Variants in CYP27A1 observed in about 807,000 individuals in gnomAD.
The protein encoded by CYP27A1 is cytochrome P450 family 27 subfamily A member 1, also known as sterol 26-hydroxylase, mitochondrial.
Under a neutral mutation model 58.2 loss-of-function variants are expected in CYP27A1, and 46 were observed. The ratio of observed to expected loss-of-function variants is 0.79; its 90% confidence interval spans 0.62 to 1.01. The LOEUF (loss-of-function observed/expected upper bound fraction) is 1.01. Among genes scored for constraint, CYP27A1 ranks in the 50% least tolerant of loss-of-function variants. The pLI, the probability that CYP27A1 is intolerant of heterozygous loss-of-function variation, is 0.00. For missense variants in CYP27A1, 704 were observed against 687.0 expected, an observed-to-expected ratio of 1.02 and a Z score of -0.28; for synonymous variants, 274 against 285.1, an observed-to-expected ratio of 0.96 and a Z score of 0.39.
chr2:218,794,305 G>A (rs1037975144), intron 1 of CYP27A1, among the ~76,000 whole-genome samples: 1 of 152,166 alleles, frequency 6.6e-6, no homozygotes, highest in African/African-American at 2.4e-5. Context: ...GATGAAGATT[G>A]ATCTTAACTG....
intron 1 of CYP27A1, among the ~76,000 whole-genome samples, chr2:218,807,269 A>C (rs1943662090): frequency 6.6e-6 from 1 of 151,946 alleles, no homozygotes; most frequent in African/African-American, 2.4e-5. Context: ...CTCCTAGGGA[A>C]TTTAATAGAG....
rs192358537 is a variant in CYP27A1, at chr2:218,809,017, T to G, written c.256-560T>G. On this transcript the variant is annotated intron_variant, in intron 1 of 8. Transcript: ENST00000258415. Reference sequence around the variant, plus strand: ...AACTCATGGGAAATAAATAAATAAATAAATATCATACCGCATGGCTTACTT... The same window carrying G: ...AACTCATGGGAAATAAATAAATAAAGAAATATCATACCGCATGGCTTACTT... Among the ~76,000 whole-genome samples the G allele has an allele frequency of 1.2e-3, 190 of 152,258 alleles. 2 individuals are homozygous for G. The highest frequency in any genetic ancestry group is 6.8e-3 in the South Asian group (33 of 4,830).
At position 218,812,654 on chromosome 2, in the gene CYP27A1, A is replaced by T. The variant is rs775885419; in HGVS notation, c.749A>T (p.Asn250Ile). ...FVRSIGLMFQ[N>I]SLYATFLPKW... ...AGATCCATCGGGTTAATGTTCCAGA[A>T]CTCACTCTATGCCACCTTCCTCCCC... Residue 250 changes from asparagine to isoleucine, a missense_variant, in exon 4 of 9, where the codon AAC (asparagine) becomes ATC (isoleucine). By Grantham distance (149) the Asn-to-Ile change is moderately radical. Coordinates refer to ENST00000258415, the MANE Select transcript of CYP27A1 (RefSeq NM_000784.4). 1 of 1,614,102 alleles carries T rather than the reference A, an allele frequency of 6.2e-7. No individual in the cohort carries two copies. The highest frequency in any genetic ancestry group is 1.7e-5 in the Admixed American group (1 of 60,018).
intron 1 of CYP27A1, among the ~76,000 whole-genome samples, chr2:218,793,172 T>C (rs1943513471): frequency 6.6e-6 from 1 of 152,096 alleles, no homozygotes; most frequent in Admixed American, 6.6e-5. Flanking sequence ...GCTTCCTGGG[T>C]TCAAGTGATT....
intron 1 of CYP27A1, 30 bp from the exon 2 acceptor site, chr2:218,809,547 C>A (rs1489122814): frequency 6.2e-7 from 1 of 1,605,958 alleles, no homozygotes; most frequent in Admixed American, 1.7e-5. Flanking sequence ...CAGCTTGGCC[C>A]AGTTATTCAG....
intron 1 of CYP27A1, among the ~76,000 whole-genome samples, chr2:218,798,054 G>A (rs1943563071): frequency 6.6e-6 from 1 of 152,110 alleles, no homozygotes; most frequent in Non-Finnish European, 1.5e-5. Flanking sequence ...CCAGGCTGGA[G>A]TGCAGTGGTG....
At chr2:218,803,722 CTT>C (rs71040407) in intron 1 of CYP27A1, among the ~76,000 whole-genome samples, 21,657 of 57,016 alleles carry the variant, frequency 0.38, 3,444 homozygotes, top group African/African-American at 0.42. Flanking sequence ...GTGCCCCCGT[CTT>C]TTTTTTTTTT....
intron 6 of CYP27A1, 64 bp downstream of exon 6, chr2:218,814,251 A>C (rs889528476): frequency 6.2e-7 from 1 of 1,610,688 alleles, no homozygotes; most frequent in African/African-American, 1.3e-5. Flanking sequence ...CAGAGGAGGA[A>C]ATCTGAAGTG....
chr2:218,790,719 A>ATGGAGTCTCGCTCTGTTGCCCAGGC (rs1943484260), intron 1 of CYP27A1, among the ~76,000 whole-genome samples: 1 of 149,402 alleles, frequency 6.7e-6, no homozygotes, highest in Non-Finnish European at 1.5e-5. Context: ...TTTTTTTGAG[A>ATGGAGTCTCGCTCTGTTGCCCAGGC]TGGAGTCTCG....
chr2:218,815,000 G>A lies in CYP27A1; in HGVS notation c.1566G>A (p.Val522=), dbSNP rs1315622134. 1 of 1,614,114 alleles carries A rather than the reference G, an allele frequency of 6.2e-7. No individual in the cohort carries two copies. Among genetic ancestry groups the A allele is most frequent in the African/African-American group, 1.3e-5 (1 of 74,948 alleles). The change falls in exon 9 of 9, where the codon GTG becomes GTA. Residue 522 remains valine, a synonymous_variant. Coordinates refer to ENST00000258415, the MANE Select transcript of CYP27A1 (RefSeq NM_000784.4). ...TTGTCCTGGTTCCCAATAAGAAAGT[G>A]GGCCTGCAGTTCCTGCAGAGACAGT... is the stretch of plus-strand genomic sequence containing the variant. ...ARIVLVPNKK[V]GLQFLQRQC is the part of the protein sequence containing the mutation.
In CYP27A1 at chr2:218,809,776, G is replaced by C; in HGVS notation, c.446+9G>C. On this transcript the variant is annotated intron_variant, in intron 2 of 8. Coordinates refer to ENST00000258415, the MANE Select transcript of CYP27A1 (RefSeq NM_000784.4). ...TATGGGCCGTTCACCACGTGAGCTGGGGCCTGAAGGGACTGGAACAGGGCC... is the reference window on the plus strand; with the variant it reads ...TATGGGCCGTTCACCACGTGAGCTGCGGCCTGAAGGGACTGGAACAGGGCC... 1 of 1,611,442 alleles carries C rather than the reference G, an allele frequency of 6.2e-7. No homozygotes were observed.
intron 1 of CYP27A1, among the ~76,000 whole-genome samples, chr2:218,783,965 A>G (rs1442068078): frequency 6.6e-6 from 1 of 152,170 alleles, no homozygotes; most frequent in Non-Finnish European, 1.5e-5. Flanking sequence ...GACGGCCTGC[A>G]TGGAACACTG....
intron 1 of CYP27A1, 112 bp from the exon 2 acceptor site, chr2:218,809,465 G>A: frequency 2.2e-5 from 1 of 46,268 alleles, no homozygotes. Context: ...TTTTTTTTTT[G>A]CCCAGCTCAT....
At chr2:218,808,016 GA>G (rs1272347086) in intron 1 of CYP27A1, among the ~76,000 whole-genome samples, 1 of 152,122 alleles carries the variant, frequency 6.6e-6, no homozygotes, top group Non-Finnish European at 1.5e-5. Context: ...TTAGGCAAAA[GA>G]TATACTTTTT....
rs184414680 is a variant in CYP27A1, at chr2:218,782,878, C to T, written c.255+441C>T. On this transcript the variant is annotated intron_variant, in intron 1 of 8. Transcript: ENST00000258415. The surrounding 1 kb of genome is among the most constrained non-coding windows in gnomAD (Gnocchi z 4.1). ...CTTGGTTATTTGCAAGGTAAATTTC[C>T]TCTTAGGGGAAAACACAATGCTGCA... Among the ~76,000 whole-genome samples, 22 of 152,268 alleles carry T rather than the reference C, an allele frequency of 1.4e-4. No homozygotes were observed. The highest frequency in any genetic ancestry group is 5.3e-4 in the African/African-American group (22 of 41,538).
rs1400183633 is a variant in CYP27A1, at chr2:218,814,947, ACGG to A, written c.1514_1516del (p.Thr505_Gly506delinsArg). Reference sequence around the variant, plus strand: ...GTACAAGGTGGTCCTGGCCCCGGAGACGGGGGAGTTGAAGAGTGTGGCCCGCAT... The same window carrying A: ...GTACAAGGTGGTCCTGGCCCCGGAGAGGGAGTTGAAGAGTGTGGCCCGCAT... On this transcript the variant is annotated inframe_deletion, in exon 9 of 9. Transcript: ENST00000258415. 1 of 1,614,168 alleles carries A rather than the reference ACGG, an allele frequency of 6.2e-7. No homozygotes were observed. Among genetic ancestry groups the A allele is most frequent in the East Asian group, 2.2e-5 (1 of 44,876 alleles).
At chr2:218,803,463 A>G (rs934296154) in intron 1 of CYP27A1, among the ~76,000 whole-genome samples, 19 of 151,698 alleles carry the variant, frequency 1.3e-4, no homozygotes, top group Admixed American at 4.6e-4. Flanking sequence ...GTCTCGTTCT[A>G]TTGCCAGGCT....
In CYP27A1 at chr2:218,812,988, T is replaced by C. The variant is rs1316018823; in HGVS notation, c.909T>C (p.Asp303=). ...MEAQLQAAGP[D]GIQVSGYLHF... ...CCCAACTGCAGGCAGCAGGGCCAGA[T>C]GGCATCCAGGTGTCTGGCTACCTGC... is the stretch of plus-strand genomic sequence containing the variant. The change falls in exon 5 of 9, where the codon GAT becomes GAC. Residue 303 remains aspartate (D), a synonymous_variant. Transcript: ENST00000258415. 1.9e-6 allele frequency: 3 copies of C among 1,614,226 alleles called. No homozygotes were observed. Among genetic ancestry groups the C allele is most frequent in the Non-Finnish European group, 2.5e-6 (3 of 1,180,016 alleles).
chr2:218,809,022 A>G (rs1943680696), intron 1 of CYP27A1, among the ~76,000 whole-genome samples: 1 of 152,190 alleles, frequency 6.6e-6, no homozygotes, highest in Non-Finnish European at 1.5e-5. Flanking sequence ...ATAAATAAAT[A>G]TCATACCGCA....
Sources: gnomAD v4.1 joint callset for allele counts (sites outside exome capture counted in the v4.1 genomes callset) on GRCh38, gnomAD v4.1.1 for gene constraint, Gnocchi (gnomAD v3.1) non-coding constraint, MANE v1.5 for transcripts, NCBI Gene and HGNC (gene_info 2026-07-23, HGNC 2026-07-21) for gene names.